SCN2A: variants seen among roughly 807,000 people sequenced by gnomAD.
SCN2A encodes sodium channel protein type 2 subunit alpha.
A neutral mutation model predicts 188.7 loss-of-function variants in SCN2A; 20 were observed. The observed-to-expected ratio is 0.11, with a 90% CI of 0.07 to 0.15. The LOEUF (loss-of-function observed/expected upper bound fraction) is 0.15. Ranked by LOEUF, SCN2A falls within the 10% of genes least tolerant of loss-of-function variation. The probability of loss-of-function intolerance (pLI) is 1.00; values close to 1 mark genes in which losing one functional copy is unlikely to be tolerated. For missense variants in SCN2A, 1,278 were observed against 2,445.0 expected (o/e 0.52, Z 10.07); for synonymous variants, 804 against 833.1 (o/e 0.97, Z 0.60).
intron 12 of SCN2A, among the ~76,000 whole-genome samples, chr2:165,325,928 C>T (rs1698333488): frequency 6.6e-6 from 1 of 151,806 alleles, no homozygotes; most frequent in Non-Finnish European, 1.5e-5. Context: ...TAGGATGTGA[C>T]CAAAATAAAT....
chr2:165,311,283 A>G (rs1390878893), intron 7 of SCN2A, among the ~76,000 whole-genome samples: 2 of 152,034 alleles, frequency 1.3e-5, no homozygotes, highest in Non-Finnish European at 2.9e-5. Flanking sequence ...GCATGTTTGT[A>G]TGTGAATATA....
chr2:165,360,312 A>G (rs1700397665), intron 17 of SCN2A, among the ~76,000 whole-genome samples: 1 of 151,990 alleles, frequency 6.6e-6, no homozygotes, highest in South Asian at 2.1e-4. Context: ...TGTCTAAAGA[A>G]AAACTATTCA....
intron 17 of SCN2A, among the ~76,000 whole-genome samples, chr2:165,364,690 G>A (rs1700634360): frequency 6.6e-6 from 1 of 152,206 alleles, no homozygotes; most frequent in African/African-American, 2.4e-5. Context: ...GATGGTTGCT[G>A]TTTATGTGCA....
chr2:165,318,846 TC>T (rs1559359439), intron 11 of SCN2A, among the ~76,000 whole-genome samples: 1 of 152,210 alleles, frequency 6.6e-6, no homozygotes, highest in Non-Finnish European at 1.5e-5. Context: ...CATAGCTAAT[TC>T]GAAGTCCCTT....
chr2:165,377,080 TTCCTCTTA>T (rs1701353600), intron 22 of SCN2A, among the ~76,000 whole-genome samples: 1 of 152,054 alleles, frequency 6.6e-6, no homozygotes, highest in Admixed American at 6.6e-5. Flanking sequence ...AGGAAACTGC[TTCCTCTTA>T]TAGAGTAATC....
rs114383829 is a variant in SCN2A at position 165,307,530 on chromosome 2, T to G, written c.387-318T>G. 6.2e-3 allele frequency among the ~76,000 whole-genome samples: 939 copies of G among 152,262 alleles called. 10 individuals carry two copies. Among genetic ancestry groups the G allele is most frequent in the African/African-American group, 0.022 (905 of 41,574 alleles). On this transcript the variant is annotated intron_variant, in intron 3 of 26. Coordinates refer to ENST00000375437, the MANE Select transcript of SCN2A (RefSeq NM_001040142.2). ...ATATGTGCTGAACTTGCAGTTTTAA[T>G]GTTCAGTTGAGTCTGTCGTTAAGAA...
intron 11 of SCN2A, among the ~76,000 whole-genome samples, chr2:165,319,374 C>G (rs1697952074): frequency 6.6e-6 from 1 of 152,014 alleles, no homozygotes; most frequent in South Asian, 2.1e-4. Flanking sequence ...GTGGTTCTTA[C>G]TGTAAATAAT....
rs142870700 is a variant in SCN2A, at chr2:165,241,135, CGT to C, written c.-52+1517_-52+1518del. ...ACCAGGTATGATGATATTCACTGTG[CGT>C]GTGTGTGTGTGTGTGTGTGTGCATG... On this transcript the variant is annotated intron_variant, in intron 1 of 26. Coordinates refer to ENST00000375437, the MANE Select transcript of SCN2A (RefSeq NM_001040142.2). 7.0e-3 allele frequency: 969 copies of C among 137,822 alleles called. 14 individuals carry two copies. Among genetic ancestry groups the C allele is most frequent in the East Asian group, 0.05 (226 of 4,502 alleles). The allele number at this position is 137,822 out of a possible 1,614,324, so 8.5% of individuals were successfully genotyped here. A position where few individuals can be genotyped will look rare whatever the true frequency, so the allele number is the denominator to read the frequency against.
intron 1 of SCN2A, chr2:165,293,719 C>G (rs1696336925): frequency 2.3e-6 from 1 of 444,286 alleles, no homozygotes; most frequent in Non-Finnish European, 3.0e-6. Flanking sequence ...AAATAAAAAG[C>G]ATGAGGAGAA....
chr2:165,262,674 A>G (rs1303923573), intron 1 of SCN2A, among the ~76,000 whole-genome samples: 1 of 152,106 alleles, frequency 6.6e-6, no homozygotes, highest in Non-Finnish European at 1.5e-5. Context: ...GGCTGGTGCC[A>G]TATTTTTGCA....
At chr2:165,269,740 G>C (rs1248281703) in intron 1 of SCN2A, 1 of 151,666 alleles carries the variant, frequency 6.6e-6, no homozygotes, top group Non-Finnish European at 1.5e-5. Context: ...ATTCAACATA[G>C]GGAAATACTA....
chr2:165,239,601 G>A lies in SCN2A; in HGVS notation c.-91G>A, dbSNP rs983218521. The A allele has an allele frequency of 1.4e-5, 14 of 981,824 alleles. No homozygotes were observed. The highest frequency in any genetic ancestry group is 5.2e-5 in the African/African-American group (3 of 57,154). The allele number at this position is 981,824 out of a possible 1,614,324, so 60.8% of individuals were successfully genotyped here. A position where few individuals can be genotyped will look rare whatever the true frequency, so the allele number is the denominator to read the frequency against. ...GGAGACTGTTATATTCAACACATACGTGGATTCTGTGTTATGATTTACATT... is the reference window on the plus strand; with the variant it reads ...GGAGACTGTTATATTCAACACATACATGGATTCTGTGTTATGATTTACATT... On this transcript the variant is annotated 5_prime_UTR_variant, in exon 1 of 27. In the 5' UTR this introduces an upstream ATG that the reference lacks. Coordinates refer to ENST00000375437, the MANE Select transcript of SCN2A (RefSeq NM_001040142.2).
intron 1 of SCN2A, chr2:165,272,845 C>T (rs948265152): frequency 1.8e-4 from 28 of 151,518 alleles, no homozygotes; most frequent in African/African-American, 6.5e-4. Flanking sequence ...TAGAATACAA[C>T]ATGTTAGGAA....
intron 1 of SCN2A, chr2:165,272,792 AC>A: frequency 6.6e-6 from 1 of 151,552 alleles, no homozygotes; most frequent in Non-Finnish European, 1.5e-5. Context: ...ACACACACAC[AC>A]ACACACACAC....
intron 3 of SCN2A, among the ~76,000 whole-genome samples, chr2:165,299,334 T>G (rs951974494): frequency 2.0e-5 from 3 of 152,186 alleles, no homozygotes; most frequent in African/African-American, 7.2e-5. Flanking sequence ...GCTGAAGTCA[T>G]TGGGAGGCCT....
At chr2:165,365,008 G>A in intron 17 of SCN2A, 135 bp from the exon 18 acceptor site, 2 of 806,900 alleles carry the variant, frequency 2.5e-6, no homozygotes, top group Non-Finnish European at 4.1e-6. Context: ...AAGCGGATTG[G>A]CATTATGTTT....
At chr2:165,282,622 C>A (rs973286734) in intron 1 of SCN2A, among the ~76,000 whole-genome samples, 7 of 152,196 alleles carry the variant, frequency 4.6e-5, no homozygotes, top group Non-Finnish European at 8.8e-5. Context: ...TGCTATGTTG[C>A]TCAGGCCAGT....
chr2:165,325,536 G>C (rs1164552147), intron 12 of SCN2A, among the ~76,000 whole-genome samples: 2 of 152,094 alleles, frequency 1.3e-5, no homozygotes, highest in Non-Finnish European at 2.9e-5. Context: ...GTCATTAGCA[G>C]TTTTGGAATC....
intron 5 of SCN2A, 41 bp downstream of exon 5, chr2:165,308,835 C>A: frequency 6.2e-7 from 1 of 1,610,038 alleles, no homozygotes; most frequent in African/African-American, 1.3e-5. Flanking sequence ...AAGAGTAAAT[C>A]ACTGGTGGGA....
Sources: gnomAD v4.1 joint callset for allele counts (sites outside exome capture counted in the v4.1 genomes callset) on GRCh38, gnomAD v4.1.1 for gene constraint, MANE v1.5 for transcripts, NCBI Gene and HGNC (gene_info 2026-07-23, HGNC 2026-07-21) for gene names.